GRM1: variants seen among roughly 807,000 people sequenced by gnomAD.
GRM1 encodes the protein metabotropic glutamate receptor 1.
Under a neutral mutation model 90.9 loss-of-function variants are expected in GRM1, and 33 were observed. The observed-to-expected ratio is 0.36, with a 90% CI of 0.28 to 0.49. The LOEUF is 0.49. GRM1 is among the 20% of genes least tolerant of loss of function. GRM1 has a pLI of 0.99. For synonymous variants in GRM1, 700 were observed against 613.2 expected, an observed-to-expected ratio of 1.14 and a Z score of -2.09; for missense variants, 1,190 against 1,534.3, an observed-to-expected ratio of 0.78 and a Z score of 3.75.
rs534980940 is a variant in GRM1, at chr6:146,311,589, T to C, written c.1186+6743T>C. Among the ~76,000 whole-genome samples, 86 of 152,364 alleles carry C rather than the reference T, an allele frequency of 5.6e-4. 1 individual carries two copies. The South Asian group carries it at 0.018, about 31-fold the overall frequency. On this transcript the variant is annotated intron_variant, in intron 3 of 7. Transcript: ENST00000282753. ...GCCACTAGCCACATGTGTCTATTTG[T>C]ATTTAAATTTAAATCAGTGAAAATC...
intron 2 of GRM1, among the ~76,000 whole-genome samples, chr6:146,266,988 C>T (rs1157165671): frequency 6.6e-6 from 1 of 152,238 alleles, no homozygotes; most frequent in Non-Finnish European, 1.5e-5. Context: ...ATCATCCCAT[C>T]ACCTAGGTAT....
intron 1 of GRM1, among the ~76,000 whole-genome samples, chr6:146,125,463 G>GC (rs139720908): frequency 0.021 from 2,906 of 136,158 alleles, 74 homozygotes; most frequent in African/African-American, 0.062. Context: ...TTCTTTCTCT[G>GC]CCCCCCCCTC....
intron 6 of GRM1, among the ~76,000 whole-genome samples, chr6:146,396,096 C>CTATCTATG (rs1407879017): frequency 6.6e-6 from 1 of 151,842 alleles, no homozygotes; most frequent in Non-Finnish European, 1.5e-5. Context: ...ATCTATCTAT[C>CTATCTATG]TATCTATCGT....
chr6:146,149,936 A>T (rs916987615), intron 1 of GRM1, among the ~76,000 whole-genome samples: 12 of 152,030 alleles, frequency 7.9e-5, no homozygotes, highest in African/African-American at 2.9e-4. Context: ...AAATTTCCTT[A>T]TATGCCACCA....
intron 2 of GRM1, among the ~76,000 whole-genome samples, chr6:146,225,145 T>A (rs1261172481): frequency 1.3e-5 from 2 of 152,160 alleles, no homozygotes; most frequent in East Asian, 3.8e-4. Context: ...ATGACCGATA[T>A]CTGGTCCACG....
At chr6:146,214,077 G>C (rs1011956014) in intron 2 of GRM1, among the ~76,000 whole-genome samples, 12 of 151,996 alleles carry the variant, frequency 7.9e-5, no homozygotes, top group African/African-American at 2.9e-4. Context: ...TCTATCCTGG[G>C]TCTCAGCTAA....
chr6:146,208,951 CTA>C (rs1300233228), intron 2 of GRM1, among the ~76,000 whole-genome samples: 1 of 152,030 alleles, frequency 6.6e-6, no homozygotes, highest in Non-Finnish European at 1.5e-5. Context: ...AAAATGTCAT[CTA>C]TGAGTAAAAA....
intron 1 of GRM1, among the ~76,000 whole-genome samples, chr6:146,033,793 G>C (rs1336181016): frequency 6.6e-6 from 1 of 150,676 alleles, no homozygotes; most frequent in East Asian, 1.9e-4. Flanking sequence ...TTTTTTATTT[G>C]ATATAAAACA....
rs552739488 is a variant in GRM1 at position 146,316,750 on chromosome 6, C to A, written c.1186+11904C>A. 3.3e-5 allele frequency among the ~76,000 whole-genome samples: 5 copies of A among 151,946 alleles called. No homozygotes were observed. The East Asian group carries it at 7.8e-4, about 24-fold the overall frequency. ...GCATGCTCCTCTGATTGGGGACTGT[C>A]TTTTTGAGGGCCGGGGGACTGTCTT... On this transcript the variant is annotated intron_variant, in intron 3 of 7. Coordinates refer to ENST00000282753, the MANE Select transcript of GRM1 (RefSeq NM_001278064.2).
chr6:146,298,106 G>A (rs1268563913), intron 2 of GRM1, among the ~76,000 whole-genome samples: 2 of 152,052 alleles, frequency 1.3e-5, no homozygotes, highest in African/African-American at 2.4e-5. Context: ...TCACAATTTA[G>A]TCATAACTCA....
At chr6:146,058,689 C>T (rs1263812384) in intron 1 of GRM1, among the ~76,000 whole-genome samples, 1 of 152,076 alleles carries the variant, frequency 6.6e-6, no homozygotes, top group African/African-American at 2.4e-5. Context: ...GCATTTTACC[C>T]ATATTAGAAC....
chr6:146,037,180 A>T (rs1044003424), intron 1 of GRM1, among the ~76,000 whole-genome samples: 3 of 151,924 alleles, frequency 2.0e-5, no homozygotes, highest in Non-Finnish European at 4.4e-5. Flanking sequence ...GTTTTTCTTA[A>T]ACTGCCACCA....
At chr6:146,173,816 G>A (rs1333885159) in intron 2 of GRM1, among the ~76,000 whole-genome samples, 24 of 151,870 alleles carry the variant, frequency 1.6e-4, no homozygotes, top group African/African-American at 1.5e-4. Context: ...ACAGGCACCC[G>A]CCACCACGCC....
intron 2 of GRM1, among the ~76,000 whole-genome samples, chr6:146,224,499 T>C (rs569863799): frequency 2.0e-5 from 3 of 152,170 alleles, no homozygotes; most frequent in African/African-American, 7.2e-5. Context: ...ACAATGGCTG[T>C]TATCTTTAAA....
At chr6:146,044,778 T>G (rs1163749527) in intron 1 of GRM1, among the ~76,000 whole-genome samples, 2 of 151,944 alleles carry the variant, frequency 1.3e-5, no homozygotes, top group African/African-American at 2.4e-5. Context: ...GAAAAGAAAC[T>G]GCCTCTTAAA....
chr6:146,034,800 T>C (rs1157767417), intron 1 of GRM1, among the ~76,000 whole-genome samples: 1 of 152,006 alleles, frequency 6.6e-6, no homozygotes, highest in Non-Finnish European at 1.5e-5. Context: ...CTTGCAAATG[T>C]ATAAATGGCT....
At chr6:146,057,970 C>T (rs1351041635) in intron 1 of GRM1, among the ~76,000 whole-genome samples, 1 of 151,742 alleles carries the variant, frequency 6.6e-6, no homozygotes, top group Non-Finnish European at 1.5e-5. Flanking sequence ...CACCCATCAC[C>T]CAAGCAGTAT....
At chr6:146,430,381 T>C (rs1362116777) in intron 7 of GRM1, among the ~76,000 whole-genome samples, 1 of 152,214 alleles carries the variant, frequency 6.6e-6, no homozygotes, top group East Asian at 1.9e-4. Flanking sequence ...ACCTGAGATA[T>C]TTACTCTAAA....
chr6:146,280,683 A>C (rs977688810), intron 2 of GRM1, among the ~76,000 whole-genome samples: 23 of 152,238 alleles, frequency 1.5e-4, no homozygotes, highest in African/African-American at 5.5e-4. Context: ...CAGTGGCATG[A>C]TCGTGGCTCA....
Sources: allele counts gnomAD v4.1 joint callset (sites outside exome capture counted in the v4.1 genomes callset), GRCh38; gene constraint gnomAD v4.1.1; transcripts MANE v1.5; gene names NCBI Gene and HGNC (gene_info 2026-07-23, HGNC 2026-07-21).